MKNK2: variants seen among roughly 807,000 people sequenced by gnomAD.
MKNK2 encodes the protein MAP kinase-interacting serine/threonine-protein kinase 2.
A neutral mutation model predicts 55.0 loss-of-function variants in MKNK2; 54 were observed. That is an observed-to-expected ratio of 0.98 (90% CI 0.79 to 1.23). MKNK2 has a LOEUF of 1.23. Ranked by LOEUF, MKNK2 falls within the 50% of genes most tolerant of loss-of-function variation. MKNK2 has a pLI of 0.00. For synonymous variants in MKNK2, 323 were observed against 256.0 expected, an observed-to-expected ratio of 1.26 and a Z score of -2.50; for missense variants, 685 against 632.1, an observed-to-expected ratio of 1.08 and a Z score of -0.90.
chr19:2,040,689 G>A, intron 12 of MKNK2: 1 of 347,434 alleles, frequency 2.9e-6, no homozygotes, highest in Non-Finnish European at 5.4e-6. Flanking sequence ...GGGAAGGGTG[G>A]AGGCACAGCC....
chr19:2,046,235 C>G lies in MKNK2; in HGVS notation c.290G>C (p.Arg97Pro). 6.2e-7 allele frequency: 1 copy of G among 1,607,034 alleles called. No homozygotes were observed. Among genetic ancestry groups the G allele is most frequent in the Non-Finnish European group, 8.5e-7 (1 of 1,179,938 alleles). Residue 97 changes from arginine to proline, a missense_variant, in exon 5 of 14, where the codon CGA (arginine) becomes CCA (proline). By Grantham distance (103) the Arg-to-Pro change is moderately radical (BLOSUM62 -2). Coordinates refer to ENST00000250896, the MANE Select transcript of MKNK2 (RefSeq NM_199054.3). ...GATCAGGTTGATGCAGGTCTGCACT[C>G]GGGCATGAGCGCCCTCCCCCAGCAC... The part of the protein sequence containing the change: ...EDVLGEGAHA[R>P]VQTCINLITS...
Position 2,051,243 on chromosome 19 carries a change from C to T in MKNK2, c.-244G>A, listed in dbSNP as rs925651781. On this transcript the variant is annotated 5_prime_UTR_variant, in exon 1 of 14. Coordinates refer to ENST00000250896, the MANE Select transcript of MKNK2 (RefSeq NM_199054.3). Reference sequence around the variant, plus strand: ...CTGGGCCACCGCCGCTGAGAGGAGCCGGGCGCGTCGCCGCCGCCGCCACCT... The same window carrying T: ...CTGGGCCACCGCCGCTGAGAGGAGCTGGGCGCGTCGCCGCCGCCGCCACCT... 3 of 137,492 alleles carry T rather than the reference C, an allele frequency of 2.2e-5. No homozygotes were observed. Among genetic ancestry groups the T allele is most frequent in the Non-Finnish European group, 4.5e-5 (3 of 66,554 alleles). 8.5% of individuals were successfully genotyped at this position (137,492 alleles called of 1,614,324 possible).
rs904463719 is a variant in MKNK2, at chr19:2,038,673, C to T, written c.*940G>A. On this transcript the variant is annotated 3_prime_UTR_variant, in exon 14 of 14. Transcript: ENST00000250896. ...TCCAGGTCAGGCCCGAGGGGCGGCG[C>T]GAGGCAGGACGTGGCTACGGTCAGA... The T allele has an allele frequency of 5.6e-5, 55 of 985,540 alleles. No individual in the cohort carries two copies. The African/African-American group carries it at 6.6e-4, about 12-fold the overall frequency. The allele number at this position is 985,540 out of a possible 1,614,324, so 61.0% of individuals were successfully genotyped here. A position where few individuals can be genotyped will look rare whatever the true frequency, so the allele number is the denominator to read the frequency against.
At position 2,046,413 on chromosome 19, in the gene MKNK2, C is replaced by T. The variant is rs1568239078; in HGVS notation, c.195G>A (p.Lys65=). 6.2e-7 allele frequency: 1 copy of T among 1,609,394 alleles called. No homozygotes were observed. The highest frequency in any genetic ancestry group is 8.5e-7 in the Non-Finnish European group (1 of 1,179,844). The change falls in exon 4 of 14, where the codon AAG becomes AAA. Residue 65 remains lysine (K), a synonymous_variant. Transcript: ENST00000250896. Reference sequence around the variant, plus strand: ...TGTCGGTGGCCCGGCCGCGCTTCTTCTTCTTGCCCCTCTTCTTGGCGTCCG... The same window carrying T: ...TGTCGGTGGCCCGGCCGCGCTTCTTTTTCTTGCCCCTCTTCTTGGCGTCCG... ...DIPDAKKRGK[K]KKRGRATDSF...
At chr19:2,040,356 G>A (rs539139359) in intron 12 of MKNK2, 179 bp from the exon 13 acceptor site, 27 of 574,746 alleles carry the variant, frequency 4.7e-5, no homozygotes, top group Non-Finnish European at 8.2e-5. Flanking sequence ...CTATGGTGAG[G>A]CTCCATGTCC....
At chr19:2,039,960 GC>G in intron 13 of MKNK2, 104 bp from the exon 14 acceptor site, 2 of 1,437,504 alleles carry the variant, frequency 1.4e-6, no homozygotes, top group Non-Finnish European at 1.9e-6. Context: ...CCCCCTCCCA[GC>G]CCCCACCCTG....
rs543738807 is a variant in MKNK2 at position 2,047,240 on chromosome 19, C to G, written c.52-549G>C. Among the ~76,000 whole-genome samples the G allele has an allele frequency of 1.6e-4, 25 of 152,318 alleles. No individual in the cohort carries two copies. The East Asian group carries it at 4.8e-3, about 29-fold the overall frequency. On this transcript the variant is annotated intron_variant, in intron 2 of 13. Transcript: ENST00000250896. ...TGTCTGGGGACATCTGTGGTTGTGA[C>G]CGGTTGGGGGAGCTCCTGGCACGGA...
chr19:2,042,544 G>T, intron 9 of MKNK2, 22 bp from the exon 10 acceptor site: 1 of 1,584,280 alleles, frequency 6.3e-7, no homozygotes. Context: ...CAAAAGGTCC[G>T]TGAGCCTGGG....
chr19:2,050,890 G>A lies in MKNK2; in HGVS notation c.-39C>T, dbSNP rs2017103414. 8 of 1,482,380 alleles carry A rather than the reference G, an allele frequency of 5.4e-6. No homozygotes were observed. The highest frequency in any genetic ancestry group is 4.5e-6 in the Non-Finnish European group (5 of 1,111,216). The allele number at this position is 1,482,380 out of a possible 1,614,324, so 91.8% of individuals were successfully genotyped here. A position where few individuals can be genotyped will look rare whatever the true frequency, so the allele number is the denominator to read the frequency against. ...CCCGCCAGCGGGGGAGGGGACCGAG[G>A]GCCCGGGGGGAGGCCCGAGGGCGGG... On this transcript the variant is annotated 5_prime_UTR_variant, in exon 2 of 14. Transcript: ENST00000250896.
intron 6 of MKNK2, 113 bp from the exon 7 acceptor site, chr19:2,043,310 C>A: frequency 1.9e-6 from 2 of 1,052,112 alleles, no homozygotes; most frequent in Admixed American, 1.8e-5. Flanking sequence ...CCACCGGAAG[C>A]TGGGACTGGG....
chr19:2,044,771 C>T (rs2016962774), intron 5 of MKNK2, among the ~76,000 whole-genome samples: 1 of 152,242 alleles, frequency 6.6e-6, no homozygotes, highest in Non-Finnish European at 1.5e-5. Context: ...GCCCAGCAGG[C>T]ACTGCAGATG....
At chr19:2,046,785 G>A in intron 2 of MKNK2, 94 bp from the exon 3 acceptor site, 2 of 990,076 alleles carry the variant, frequency 2.0e-6, no homozygotes, top group South Asian at 1.8e-5. Context: ...CGTCCACACT[G>A]ACAAGCCCTG....
intron 5 of MKNK2, among the ~76,000 whole-genome samples, chr19:2,044,176 A>C (rs1599860): frequency 0.65 from 98,075 of 151,644 alleles, 33,316 homozygotes; most frequent in African/African-American, 0.87. Context: ...CAGGGTGGGT[A>C]CCTGGTCACC....
chr19:2,040,436 C>T (rs1278084614), intron 12 of MKNK2: 1 of 493,098 alleles, frequency 2.0e-6, no homozygotes, highest in Non-Finnish European at 3.6e-6. Context: ...AGGGTGGGGG[C>T]AGAGCCCCAA....
At position 2,042,421 on chromosome 19, in the gene MKNK2, C is replaced by A. The variant is rs752988395; in HGVS notation, c.750+6G>T. On this transcript the variant is annotated splice_donor_region_variant and intron_variant, in intron 10 of 13. Coordinates refer to ENST00000250896, the MANE Select transcript of MKNK2 (RefSeq NM_199054.3). ...CGAGCCCCCAGCCCTCCCCGCGGGC[C>A]CTCACCGGAGTGAGCAGCTCCGGGG... 1.9e-6 allele frequency: 3 copies of A among 1,568,500 alleles called. No individual in the cohort carries two copies. Among genetic ancestry groups the A allele is most frequent in the Non-Finnish European group, 2.6e-6 (3 of 1,157,810 alleles).
In MKNK2 at chr19:2,042,863, G is replaced by A. The variant is rs1233331670; in HGVS notation, c.501C>T (p.Ile167=). The change falls in exon 8 of 14, where the codon ATC becomes ATT. Residue 167 remains isoleucine, a synonymous_variant. Coordinates refer to ENST00000250896, the MANE Select transcript of MKNK2 (RefSeq NM_199054.3). Reference sequence around the variant, plus strand: ...GCCGGCGCTTGTGGATGTGGCTCAGGATGGAGCCTGGGCAGGGCAGGGCAG... The same window carrying A: ...GCCGGCGCTTGTGGATGTGGCTCAGAATGGAGCCTGGGCAGGGCAGGGCAG... ...LVFEKMRGGS[I]LSHIHKRRHF... The A allele has an allele frequency of 6.4e-7, 1 of 1,570,480 alleles. No individual in the cohort carries two copies. The highest frequency in any genetic ancestry group is 2.4e-5 in the East Asian group (1 of 42,424).
chr19:2,040,702 G>A (rs894779577), intron 12 of MKNK2: 8 of 373,294 alleles, frequency 2.1e-5, no homozygotes, highest in African/African-American at 1.6e-4. Context: ...GCACAGCCTG[G>A]GCTTGAGACT....
At position 2,041,161 on chromosome 19, in the gene MKNK2, G is replaced by A. The variant is rs2016871986; in HGVS notation, c.989C>T (p.Pro330Leu). 6 of 1,613,884 alleles carry A rather than the reference G, an allele frequency of 3.7e-6. No homozygotes were observed. Among genetic ancestry groups the A allele is most frequent in the Admixed American group, 3.3e-5 (2 of 59,980 alleles). The change falls in exon 12 of 14, where the codon CCC becomes CTC. Residue 330 changes from proline (P) to leucine (L), a missense_variant. Transcript: ENST00000250896. The part of the protein sequence containing the change: ...ESIQEGKYEF[P>L]DKDWAHISCA... ...GGAGATGTGGGCCCAGTCCTTGTCG[G>A]GGAACTCGTACTTGCCCTCCTGGAT... is the stretch of plus-strand genomic sequence containing the variant.
At position 2,042,413 on chromosome 19, in the gene MKNK2, CCG is replaced by C; in HGVS notation, c.750+12_750+13del. 6.4e-7 allele frequency: 1 copy of C among 1,561,732 alleles called. No individual in the cohort carries two copies. The highest frequency in any genetic ancestry group is 1.2e-5 in the South Asian group (1 of 84,736). ...CAGGCGGCCGAGCCCCCAGCCCTCCCCGCGGGCCCTCACCGGAGTGAGCAGCT... is the reference window on the plus strand; with the variant it reads ...CAGGCGGCCGAGCCCCCAGCCCTCCCCGGGCCCTCACCGGAGTGAGCAGCT... On this transcript the variant is annotated intron_variant, in intron 10 of 13. Coordinates refer to ENST00000250896, the MANE Select transcript of MKNK2 (RefSeq NM_199054.3).
Sources: allele counts gnomAD v4.1 joint callset (sites outside exome capture counted in the v4.1 genomes callset), GRCh38; gene constraint gnomAD v4.1.1; transcripts MANE v1.5; gene names NCBI Gene and HGNC (gene_info 2026-07-23, HGNC 2026-07-21).